Variants in ISCU observed in about 807,000 individuals in gnomAD.
ISCU encodes iron-sulfur cluster assembly enzyme.
ISCU carries 13 observed loss-of-function variants against 18.4 expected under a neutral mutation model. That is an observed-to-expected ratio of 0.71 (90% CI 0.46 to 1.12). ISCU has a LOEUF of 1.12. Among genes scored for constraint, ISCU ranks in the 50% most tolerant of loss-of-function variants. The pLI is 0.00. For synonymous variants in ISCU, 104 were observed against 87.5 expected, an observed-to-expected ratio of 1.19 and a Z score of -1.06; for missense variants, 229 against 208.7, an observed-to-expected ratio of 1.10 and a Z score of -0.60.
At chr12:108,564,488 G>A (rs1419410531) in intron 2 of ISCU, 96 bp downstream of exon 2, 1 of 843,936 alleles carries the variant, frequency 1.2e-6, no homozygotes, top group Admixed American at 2.0e-5. Flanking sequence ...ATTCCTGTGA[G>A]ATCTCCAAGC....
intron 1 of ISCU, 77 bp downstream of exon 1, chr12:108,562,813 G>A (rs1592788050): frequency 1.1e-5 from 9 of 831,072 alleles, no homozygotes; most frequent in Middle Eastern, 4.8e-4. Context: ...GGGGTTCTGC[G>A]CAGCTAGGAC....
chr12:108,562,642 T>G lies in ISCU; in HGVS notation c.20T>G (p.Phe7Cys), dbSNP rs10778648. Residue 7 changes from phenylalanine (F) to cysteine (C), a missense_variant, in exon 1 of 5, where the codon TTC becomes TGC. Coordinates refer to ENST00000311893, the MANE Select transcript of ISCU (RefSeq NM_213595.4). MAAAGA[F>C]RLRRAASALL... ...GGCAAGATGGCGGCGGCTGGGGCTT[T>G]CCGTCTGAGGCGGGCGGCATCGGCT... is the stretch of plus-strand genomic sequence containing the variant. 1,286,224 of 1,469,126 alleles carry G rather than the reference T, an allele frequency of 0.88. 563,987 individuals carry two copies. The highest frequency in any genetic ancestry group is 0.94 in the East Asian group (33,423 of 35,530). The allele number at this position is 1,469,126 out of a possible 1,614,324, so 91.0% of individuals were successfully genotyped here.
rs1037527545 is a variant in ISCU, at chr12:108,568,713, T to C, written c.419-118T>C. The stretch of plus-strand genomic sequence containing the variant: ...CAACTCCTCACCCCAGCTTTCTGGC[T>C]TGGTTACTCCATTAGTCCCCACCAG... On this transcript the variant is annotated intron_variant, in intron 4 of 4. Coordinates refer to ENST00000311893, the MANE Select transcript of ISCU (RefSeq NM_213595.4). 152 of 1,530,428 alleles carry C rather than the reference T, an allele frequency of 9.9e-5. 4 individuals are homozygous for C. The South Asian group carries it at 1.7e-3, about 17-fold the overall frequency. 94.8% of individuals were successfully genotyped at this position (1,530,428 alleles called of 1,614,324 possible).
At chr12:108,567,814 G>A in intron 4 of ISCU, 1 of 1,523,076 alleles carries the variant, frequency 6.6e-7, no homozygotes, top group Non-Finnish European at 8.8e-7. Context: ...CCCCCTCCCT[G>A]CTATCCTAAA....
intron 3 of ISCU, among the ~76,000 whole-genome samples, chr12:108,566,204 C>T (rs1229161673): frequency 6.6e-6 from 1 of 152,290 alleles, no homozygotes; most frequent in East Asian, 1.9e-4. Context: ...GTTTGCCAGG[C>T]CACGTGCCAC....
At chr12:108,567,062 G>GT in intron 3 of ISCU, 128 bp from the exon 4 acceptor site, 4 of 732,528 alleles carry the variant, frequency 5.5e-6, no homozygotes, top group Non-Finnish European at 9.8e-6. Context: ...ACCCTTAGCC[G>GT]TTTGAGTTAT....
chr12:108,566,065 G>T (rs191862272), intron 3 of ISCU, among the ~76,000 whole-genome samples: 2 of 152,374 alleles, frequency 1.3e-5, no homozygotes, highest in African/African-American at 4.8e-5. Flanking sequence ...CTAAAATCCA[G>T]TTGCTGTCAA....
At chr12:108,564,193 A>G (rs2030772983) in intron 1 of ISCU, 86 bp from the exon 2 acceptor site, 1 of 1,570,706 alleles carries the variant, frequency 6.4e-7, no homozygotes, top group African/African-American at 1.4e-5. Flanking sequence ...GCCAGGTTCA[A>G]GATGCTGACC....
chr12:108,564,130 A>G, intron 1 of ISCU, 149 bp from the exon 2 acceptor site: 4 of 1,612,968 alleles, frequency 2.5e-6, no homozygotes, highest in Non-Finnish European at 3.4e-6. Context: ...GTTCTCATTG[A>G]CATGAGTGTA....
At chr12:108,564,931 C>T (rs2030818750) in intron 2 of ISCU, 2 of 276,762 alleles carry the variant, frequency 7.2e-6, no homozygotes, top group African/African-American at 4.4e-5. Context: ...GTGTAATCTG[C>T]TGCCCAAGAA....
In ISCU at chr12:108,564,333, A is replaced by G. The variant is rs987303197; in HGVS notation, c.169A>G (p.Lys57Glu). ...RNVGSLDKTSKNVGTGLVGAP... is the reference protein window; with the variant it reads ...RNVGSLDKTSENVGTGLVGAP... ...CGTGGGGTCCCTTGACAAGACATCT[A>G]AAAATGTTGGAACTGGACTGGTGGG... Residue 57 changes from lysine (K) to glutamate (E), a missense_variant, in exon 2 of 5, where the codon AAA becomes GAA. By Grantham distance (56) the Lys-to-Glu change is moderately conservative. Coordinates refer to ENST00000311893, the MANE Select transcript of ISCU (RefSeq NM_213595.4). The G allele has an allele frequency of 6.2e-7, 1 of 1,614,174 alleles. No individual in the cohort carries two copies. The highest frequency in any genetic ancestry group is 8.5e-7 in the Non-Finnish European group (1 of 1,179,966).
Position 108,562,613 on chromosome 12 carries a change from A to C in ISCU, c.-10A>C. ...GTCGCTCTGGACTGGCGCAGGCGCAAGCCGGCAAGATGGCGGCGGCTGGGG... is the reference window on the plus strand; with the variant it reads ...GTCGCTCTGGACTGGCGCAGGCGCACGCCGGCAAGATGGCGGCGGCTGGGG... On this transcript the variant is annotated 5_prime_UTR_variant, in exon 1 of 5. Transcript: ENST00000311893. 1 of 1,441,526 alleles carries C rather than the reference A, an allele frequency of 6.9e-7. No individual in the cohort carries two copies. Among genetic ancestry groups the C allele is most frequent in the South Asian group, 1.4e-5 (1 of 72,834 alleles). 89.3% of individuals were successfully genotyped at this position (1,441,526 alleles called of 1,614,324 possible).
rs374806755 is a variant in ISCU, at chr12:108,567,806, C to A, written c.418+538C>A. Reference sequence around the variant, plus strand: ...AACTAAGCCCAGTTGTACAATGTCCCCCTCCCTGCTATCCTAAAAAAAAGC... The same window carrying A: ...AACTAAGCCCAGTTGTACAATGTCCACCTCCCTGCTATCCTAAAAAAAAGC... On this transcript the variant is annotated intron_variant, in intron 4 of 4. Coordinates refer to ENST00000311893, the MANE Select transcript of ISCU (RefSeq NM_213595.4). 5.9e-6 allele frequency: 9 copies of A among 1,527,068 alleles called. No homozygotes were observed. The South Asian group carries it at 6.0e-5, about 10-fold the overall frequency. 94.6% of individuals were successfully genotyped at this position (1,527,068 alleles called of 1,614,324 possible).
chr12:108,562,865 C>A, intron 1 of ISCU, 129 bp downstream of exon 1: 1 of 471,182 alleles, frequency 2.1e-6, no homozygotes, highest in South Asian at 5.1e-5. Context: ...GACTCGCTTT[C>A]CCTTGCTGCG....
At chr12:108,567,959 T>C (rs906566964) in intron 4 of ISCU, 4 of 1,466,326 alleles carry the variant, frequency 2.7e-6, no homozygotes, top group Non-Finnish European at 3.7e-6. Flanking sequence ...AATGCATCGA[T>C]GGAGGTTTAC....
intron 4 of ISCU, chr12:108,568,446 G>C: frequency 8.9e-7 from 1 of 1,120,828 alleles, no homozygotes; most frequent in Non-Finnish European, 1.1e-6. Context: ...TCCAAAGCTA[G>C]ACTTTGATGG....
chr12:108,567,915 C>T (rs1442386074), intron 4 of ISCU: 2 of 1,411,676 alleles, frequency 1.4e-6, no homozygotes, highest in Non-Finnish European at 1.9e-6. Flanking sequence ...TCTTAACCTT[C>T]TCAGGGAAAG....
At chr12:108,562,160 G>A (rs934491601), upstream of ISCU, among the ~76,000 whole-genome samples, 2 of 152,224 alleles carry the variant, frequency 1.3e-5, no homozygotes, top group Admixed American at 1.3e-4. Flanking sequence ...AACCGAACCA[G>A]GATTCTAACC....
At chr12:108,566,862 C>G (rs1329715848) in intron 3 of ISCU, among the ~76,000 whole-genome samples, 1 of 152,212 alleles carries the variant, frequency 6.6e-6, no homozygotes, top group Non-Finnish European at 1.5e-5. Context: ...TAGGAAATCA[C>G]TACCTTTTAA....
Sources: gnomAD v4.1 joint callset for allele counts (sites outside exome capture counted in the v4.1 genomes callset) on GRCh38, gnomAD v4.1.1 for gene constraint, MANE v1.5 for transcripts, NCBI Gene and HGNC (gene_info 2026-07-23, HGNC 2026-07-21) for gene names.